The following ETV6 variants were observed in gnomAD, a reference collection of about 807,000 sequenced individuals.
ETV6 encodes the protein ETS variant transcription factor 6, also known as transcription factor ETV6.
In ETV6, 16 loss-of-function variants were observed where a neutral mutation model predicts 51.1. The observed-to-expected ratio is 0.31, with a 90% CI of 0.21 to 0.48. The LOEUF (loss-of-function observed/expected upper bound fraction) is 0.48, where lower values mean the gene tolerates loss of function less well. ETV6 is among the 20% of genes least tolerant of loss of function. The pLI, the probability that ETV6 is intolerant of heterozygous loss-of-function variation, is 0.99. For synonymous variants in ETV6, 240 were observed against 224.1 expected (o/e 1.07, Z -0.64); for missense variants, 458 against 594.8 (o/e 0.77, Z 2.39).
intron 1 of ETV6, among the ~76,000 whole-genome samples, chr12:11,729,773 G>A (rs533141526): frequency 2.0e-4 from 31 of 152,258 alleles, no homozygotes; most frequent in East Asian, 1.9e-4. Flanking sequence ...CAAAACAACC[G>A]TATCTTTAAA....
In ETV6 at chr12:11,716,146, G is replaced by A. The variant is rs375320901; in HGVS notation, c.34-36304G>A. ...GAGGCCGAGGCGGGTGGATCACGAG[G>A]TCGGGAGATCAAGACCATCCTGGCT... On this transcript the variant is annotated intron_variant, in intron 1 of 7. Coordinates refer to ENST00000396373, the MANE Select transcript of ETV6 (RefSeq NM_001987.5). Among the ~76,000 whole-genome samples, 14 of 151,954 alleles carry A rather than the reference G, an allele frequency of 9.2e-5. No individual in the cohort carries two copies. The East Asian group carries it at 1.4e-3, about 15-fold the overall frequency.
In ETV6 at chr12:11,869,684, A is replaced by G; in HGVS notation, c.724A>G (p.Asn242Asp). 2 of 1,614,004 alleles carry G rather than the reference A, an allele frequency of 1.2e-6. No homozygotes were observed. Among genetic ancestry groups the G allele is most frequent in the Non-Finnish European group, 1.7e-6 (2 of 1,179,996 alleles). The change falls in exon 5 of 8, where the codon AAT becomes GAT. Residue 242 changes from asparagine (N) to aspartate (D), a missense_variant. Physicochemically the swap from Asn to Asp is conservative, Grantham distance 23. Around this residue, in one of 4 missense-constraint regions of ETV6, gnomAD observed 293 missense variants for 315.7 expected, o/e 0.93. Transcript: ENST00000396373. The surrounding 1 kb of genome is among the most constrained non-coding windows in gnomAD (Gnocchi z 5.0). ...SYPLSVSPME[N>D]NHCPASSESH... ...CCCTCTGTCAGTGTCTCCCATGGAG[A>G]ATAATCACTGCCCAGCGTCCTCCGA...
intron 2 of ETV6, among the ~76,000 whole-genome samples, chr12:11,799,804 T>G (rs1053841364): frequency 2.0e-5 from 3 of 152,176 alleles, no homozygotes; most frequent in Non-Finnish European, 2.9e-5. Flanking sequence ...GACAACCTAT[T>G]GCCTAGGTTG....
intron 4 of ETV6, among the ~76,000 whole-genome samples, chr12:11,859,892 A>G (rs1375231496): frequency 6.6e-6 from 1 of 152,206 alleles, no homozygotes; most frequent in Non-Finnish European, 1.5e-5. Context: ...GTACTAAACA[A>G]TGTCAAAGAT....
At position 11,881,360 on chromosome 12, in the gene ETV6, T is replaced by C. The variant is rs373115834; in HGVS notation, c.1010-3085T>C. On this transcript the variant is annotated intron_variant, in intron 5 of 7. Coordinates refer to ENST00000396373, the MANE Select transcript of ETV6 (RefSeq NM_001987.5). The stretch of plus-strand genomic sequence containing the variant: ...TTTGATAGTAGGACAAATACTGAAA[T>C]ATTAAGCCACAGCTGAGTTCTGGCC... Among the ~76,000 whole-genome samples, 14 of 152,308 alleles carry C rather than the reference T, an allele frequency of 9.2e-5. No individual in the cohort carries two copies. The East Asian group carries it at 2.7e-3, about 29-fold the overall frequency.
At chr12:11,745,926 A>G (rs910521160) in intron 1 of ETV6, among the ~76,000 whole-genome samples, 3 of 152,174 alleles carry the variant, frequency 2.0e-5, no homozygotes, top group African/African-American at 7.2e-5. Flanking sequence ...ATTGTGTCCC[A>G]TGGTTAATGT....
intron 1 of ETV6, among the ~76,000 whole-genome samples, chr12:11,689,819 C>CG (rs1864717388): frequency 9.2e-6 from 1 of 108,112 alleles, no homozygotes; most frequent in Admixed American, 1.0e-4. Flanking sequence ...TCCCCCCCCC[C>CG]CCCACCCCCC....
intron 2 of ETV6, among the ~76,000 whole-genome samples, chr12:11,826,073 C>T (rs1205112094): frequency 6.6e-6 from 1 of 152,106 alleles, no homozygotes; most frequent in Non-Finnish European, 1.5e-5. Flanking sequence ...TGGCCTCAAG[C>T]AGTCCTCTCA....
intron 1 of ETV6, among the ~76,000 whole-genome samples, chr12:11,723,440 C>A (rs533370053): frequency 6.6e-6 from 1 of 151,570 alleles, no homozygotes; most frequent in African/African-American, 2.4e-5. Context: ...TTTTTCCCTT[C>A]CATTCTTTCT....
intron 1 of ETV6, among the ~76,000 whole-genome samples, chr12:11,659,045 ATGTC>A (rs780478691): frequency 4.8e-4 from 73 of 152,212 alleles, no homozygotes; most frequent in Non-Finnish European, 8.4e-4. Context: ...AGGCAGTTCC[ATGTC>A]TGTCTGACCA....
intron 2 of ETV6, among the ~76,000 whole-genome samples, chr12:11,831,032 G>C (rs1310605940): frequency 1.3e-5 from 2 of 152,148 alleles, no homozygotes; most frequent in African/African-American, 4.8e-5. Context: ...TGAATGCTGA[G>C]ACACAACTCA....
At chr12:11,828,364 G>A (rs2855736) in intron 2 of ETV6, among the ~76,000 whole-genome samples, 35,871 of 152,050 alleles carry the variant, frequency 0.24, 4,323 homozygotes, top group East Asian at 0.39. Context: ...AGGACTGTGC[G>A]TTTCAAATAA....
chr12:11,877,207 G>A (rs997114423), intron 5 of ETV6, among the ~76,000 whole-genome samples: 2 of 152,174 alleles, frequency 1.3e-5, no homozygotes, highest in African/African-American at 4.8e-5. Flanking sequence ...CAAGGACTGG[G>A]AGAAGTCACT....
At chr12:11,745,453 C>T (rs1172036167) in intron 1 of ETV6, among the ~76,000 whole-genome samples, 1 of 152,216 alleles carries the variant, frequency 6.6e-6, no homozygotes, top group Non-Finnish European at 1.5e-5. Flanking sequence ...AGCCTTGAGT[C>T]TCTCTTAGAC....
At chr12:11,831,138 T>C (rs936923871) in intron 2 of ETV6, among the ~76,000 whole-genome samples, 7 of 152,180 alleles carry the variant, frequency 4.6e-5, no homozygotes, top group Non-Finnish European at 8.8e-5. Context: ...CTAAAGAAAC[T>C]GATGAGGCGA....
At chr12:11,743,860 A>G (rs2121031582) in intron 1 of ETV6, among the ~76,000 whole-genome samples, 1 of 152,352 alleles carries the variant, frequency 6.6e-6, no homozygotes, top group East Asian at 1.9e-4. Flanking sequence ...AAAAAAGAGC[A>G]AAGCCCTCAG....
chr12:11,713,751 C>T (rs1161781280), intron 1 of ETV6, among the ~76,000 whole-genome samples: 1 of 152,188 alleles, frequency 6.6e-6, no homozygotes, highest in South Asian at 2.1e-4. Flanking sequence ...TGTCTACATC[C>T]TCCCACTAGG....
chr12:11,853,683 G>A, intron 4 of ETV6, 122 bp downstream of exon 4: 1 of 1,121,486 alleles, frequency 8.9e-7, no homozygotes, highest in East Asian at 2.4e-5. Context: ...GACAATTATT[G>A]AGTGCTTACT....
intron 1 of ETV6, among the ~76,000 whole-genome samples, chr12:11,722,661 A>G (rs1049994232): frequency 6.6e-6 from 1 of 152,222 alleles, no homozygotes; most frequent in African/African-American, 2.4e-5. Context: ...AATGAAGAGA[A>G]TTGAAGTTAC....
Sources: allele counts gnomAD v4.1 joint callset (sites outside exome capture counted in the v4.1 genomes callset), GRCh38; gene constraint gnomAD v4.1.1; regional missense constraint gnomAD v4.1.1; non-coding constraint Gnocchi (gnomAD v3.1); transcripts MANE v1.5; gene names NCBI Gene and HGNC (gene_info 2026-07-23, HGNC 2026-07-21).